Variants in ITGA9 observed in about 807,000 individuals in gnomAD.
ITGA9 encodes the protein integrin alpha-9.
In ITGA9, 56 loss-of-function variants were observed where a neutral mutation model predicts 127.8. That is an observed-to-expected ratio of 0.44 (90% confidence interval 0.35 to 0.55). The LOEUF is 0.55. ITGA9 is among the 20% of genes least tolerant of loss of function. ITGA9 has a pLI of 0.00. For missense variants in ITGA9, 1,196 were observed against 1,347.1 expected, an observed-to-expected ratio of 0.89 and a Z score of 1.76; for synonymous variants, 508 against 514.5, an observed-to-expected ratio of 0.99 and a Z score of 0.17.
intron 8 of ITGA9, among the ~76,000 whole-genome samples, chr3:37,512,073 TTTCCTTCCTTCCTTCCTTCC>T (rs1202058955): frequency 3.1e-4 from 12 of 39,228 alleles, no homozygotes; most frequent in Admixed American, 1.0e-3. Context: ...TCTTTCTTTC[TTTCCTTCCTTCCTTCCTTCC>T]TTCCTTCCTT....
chr3:37,745,039 C>T (rs1696484721), intron 22 of ITGA9, among the ~76,000 whole-genome samples: 1 of 152,210 alleles, frequency 6.6e-6, no homozygotes, highest in African/African-American at 2.4e-5. Context: ...CTGCCTCTTG[C>T]GTCCTTCCCC....
chr3:37,568,671 C>G (rs1393813242), intron 15 of ITGA9, among the ~76,000 whole-genome samples: 1 of 152,184 alleles, frequency 6.6e-6, no homozygotes, highest in African/African-American at 2.4e-5. Flanking sequence ...TTCCACAAAC[C>G]TCTAGAGCAG....
chr3:37,480,335 G>A (rs954670957), intron 3 of ITGA9, among the ~76,000 whole-genome samples: 1 of 152,136 alleles, frequency 6.6e-6, no homozygotes, highest in African/African-American at 2.4e-5. Flanking sequence ...GCGTGGCTTC[G>A]ACCCTAGTGC....
intron 20 of ITGA9, among the ~76,000 whole-genome samples, chr3:37,740,714 A>T (rs1696422964): frequency 6.6e-6 from 1 of 152,184 alleles, no homozygotes; most frequent in South Asian, 2.1e-4. Flanking sequence ...ATGCTGAGAA[A>T]TGCCCGGCAT....
intron 23 of ITGA9, among the ~76,000 whole-genome samples, chr3:37,759,675 G>C (rs1391716049): frequency 2.0e-5 from 3 of 151,604 alleles, no homozygotes; most frequent in African/African-American, 7.3e-5. Flanking sequence ...GCTGAGTTGG[G>C]CATATCACCT....
intron 15 of ITGA9, among the ~76,000 whole-genome samples, chr3:37,547,159 A>C (rs534752189): frequency 6.6e-6 from 1 of 152,324 alleles, no homozygotes; most frequent in East Asian, 1.9e-4. Flanking sequence ...GACACTGTCA[A>C]GAAGGCCAAT....
intron 23 of ITGA9, among the ~76,000 whole-genome samples, chr3:37,753,259 G>A (rs1236157673): frequency 2.0e-5 from 3 of 152,156 alleles, no homozygotes; most frequent in Non-Finnish European, 4.4e-5. Context: ...TACCTATTAC[G>A]TGCCAGGCTC....
At chr3:37,704,024 T>C (rs916925063) in intron 18 of ITGA9, among the ~76,000 whole-genome samples, 6 of 152,212 alleles carry the variant, frequency 3.9e-5, no homozygotes, top group African/African-American at 1.4e-4. Flanking sequence ...GACTCCAGTG[T>C]GCTCTAATGC....
intron 15 of ITGA9, among the ~76,000 whole-genome samples, chr3:37,617,059 G>A (rs1274211586): frequency 1.3e-5 from 2 of 152,166 alleles, no homozygotes; most frequent in Non-Finnish European, 2.9e-5. Flanking sequence ...TCCTAGCCTT[G>A]ATGGTCTTTA....
chr3:37,581,788 G>A (rs769859184), intron 15 of ITGA9, among the ~76,000 whole-genome samples: 5 of 152,166 alleles, frequency 3.3e-5, no homozygotes, highest in Admixed American at 2.0e-4. Context: ...ACTTGGGATG[G>A]GCTTTGGAAC....
At chr3:37,682,202 T>C (rs1211762492) in intron 17 of ITGA9, among the ~76,000 whole-genome samples, 1 of 152,250 alleles carries the variant, frequency 6.6e-6, no homozygotes, top group African/African-American at 2.4e-5. Flanking sequence ...CAAATAGTTG[T>C]CTGTCCTCAT....
chr3:37,609,894 T>C (rs2125625211), intron 15 of ITGA9, among the ~76,000 whole-genome samples: 1 of 152,342 alleles, frequency 6.6e-6, no homozygotes, highest in South Asian at 2.1e-4. Flanking sequence ...CTACATTTGA[T>C]GGGAGAATTA....
At chr3:37,690,932 G>C (rs1182809978) in intron 18 of ITGA9, among the ~76,000 whole-genome samples, 1 of 152,192 alleles carries the variant, frequency 6.6e-6, no homozygotes, top group Admixed American at 6.5e-5. Context: ...AACTACTACA[G>C]TGGGCAATGG....
At chr3:37,684,298 C>G (rs1700761187) in intron 18 of ITGA9, among the ~76,000 whole-genome samples, 1 of 152,152 alleles carries the variant, frequency 6.6e-6, no homozygotes, top group African/African-American at 2.4e-5. Flanking sequence ...TTACATCTGG[C>G]CCCTTCTTGG....
chr3:37,768,604 C>G (rs1425612251), intron 23 of ITGA9, among the ~76,000 whole-genome samples: 2 of 151,988 alleles, frequency 1.3e-5, no homozygotes, highest in African/African-American at 4.8e-5. Flanking sequence ...ACCCGGTTGC[C>G]GTCAGCTGCG....
chr3:37,685,978 G>T (rs559344743), intron 18 of ITGA9, among the ~76,000 whole-genome samples: 9 of 152,084 alleles, frequency 5.9e-5, no homozygotes, highest in Non-Finnish European at 1.2e-4. Flanking sequence ...ATATACTGTG[G>T]ATTTACCTTA....
intron 15 of ITGA9, among the ~76,000 whole-genome samples, chr3:37,627,980 A>T (rs1284306402): frequency 6.6e-6 from 1 of 151,964 alleles, no homozygotes; most frequent in East Asian, 1.9e-4. Flanking sequence ...GTGGGAGCAA[A>T]TTCCTCCCCG....
chr3:37,710,586 T>C (rs1230409135), intron 18 of ITGA9, among the ~76,000 whole-genome samples: 1 of 152,194 alleles, frequency 6.6e-6, no homozygotes, highest in Non-Finnish European at 1.5e-5. Context: ...CGGAGATAGA[T>C]TCTTTATCTG....
At chr3:37,654,757 A>G (rs1700461708) in intron 17 of ITGA9, among the ~76,000 whole-genome samples, 4 of 152,226 alleles carry the variant, frequency 2.6e-5, no homozygotes, top group African/African-American at 9.6e-5. Flanking sequence ...GGTTTGTTAC[A>G]TAGGTATACA....
Sources: allele counts gnomAD v4.1 joint callset (sites outside exome capture counted in the v4.1 genomes callset), GRCh38; gene constraint gnomAD v4.1.1; transcripts MANE v1.5; gene names NCBI Gene and HGNC (gene_info 2026-07-23, HGNC 2026-07-21).